PHC3: variants seen among roughly 807,000 people sequenced by gnomAD.
PHC3 encodes the protein polyhomeotic-like protein 3.
A neutral mutation model predicts 107.4 loss-of-function variants in PHC3; 13 were observed. The ratio of observed to expected loss-of-function variants is 0.12; its 90% CI spans 0.08 to 0.19. The LOEUF (loss-of-function observed/expected upper bound fraction) is 0.19. PHC3 is among the 10% of genes least tolerant of loss of function. The probability of loss-of-function intolerance (pLI) is 1.00; values close to 1 mark genes in which losing one functional copy is unlikely to be tolerated. For synonymous variants in PHC3, 456 were observed against 427.4 expected (o/e 1.07, Z -0.83); for missense variants, 992 against 1,210.9 (o/e 0.82, Z 2.68).
chr3:170,171,543 T>A (rs3772186), intron 3 of PHC3, 93 bp from the exon 4 acceptor site: 98,136 of 836,916 alleles, frequency 0.12, 6,148 homozygotes, highest in Middle Eastern at 0.17. Context: ...ACAATAAATG[T>A]CAAAAGGCCT....
chr3:170,172,295 CT>C (rs1286384595), intron 3 of PHC3, among the ~76,000 whole-genome samples: 5 of 152,012 alleles, frequency 3.3e-5, no homozygotes, highest in Admixed American at 1.3e-4. Context: ...GTACCTAGAA[CT>C]TTATACACAT....
chr3:170,156,290 T>C (rs1478490044), intron 4 of PHC3, among the ~76,000 whole-genome samples: 2 of 152,048 alleles, frequency 1.3e-5, no homozygotes, highest in South Asian at 2.1e-4. Flanking sequence ...AGAGTCTCAC[T>C]CTGCTGCCCG....
chr3:170,174,209 T>A (rs191490390), intron 2 of PHC3, among the ~76,000 whole-genome samples: 30 of 151,702 alleles, frequency 2.0e-4, no homozygotes, highest in African/African-American at 6.8e-4. Context: ...ATAATAATAA[T>A]AAAATAAAAA....
intron 7 of PHC3, among the ~76,000 whole-genome samples, chr3:170,131,182 ATAAT>A (rs1195354767): frequency 6.6e-6 from 1 of 151,554 alleles, no homozygotes; most frequent in African/African-American, 2.4e-5. Flanking sequence ...AGTCAACAAA[ATAAT>A]TTTCATATAA....
At chr3:170,134,187 AAT>A (rs144553767) in intron 7 of PHC3, among the ~76,000 whole-genome samples, 24 of 150,082 alleles carry the variant, frequency 1.6e-4, no homozygotes, top group Non-Finnish European at 8.9e-5. Context: ...CTATACTACG[AAT>A]ATATATATAT....
chr3:170,166,793 C>T (rs1321690876), intron 4 of PHC3, among the ~76,000 whole-genome samples: 1 of 151,900 alleles, frequency 6.6e-6, no homozygotes, highest in Non-Finnish European at 1.5e-5. Flanking sequence ...GCCTCTTGAG[C>T]AGCTGGGACT....
At chr3:170,169,835 T>A (rs937057743) in intron 4 of PHC3, 3 of 152,234 alleles carry the variant, frequency 2.0e-5, no homozygotes, top group Admixed American at 1.3e-4. Context: ...TTTGTCTATA[T>A]AATTTCCTTC....
intron 5 of PHC3, among the ~76,000 whole-genome samples, chr3:170,145,744 CA>C (rs927885310): frequency 6.6e-6 from 1 of 151,266 alleles, no homozygotes; most frequent in East Asian, 1.9e-4. Context: ...CTGATGAGTG[CA>C]AAAAAAAGCA....
In PHC3 at chr3:170,111,261, A is replaced by AGAAGGAAGGAAG. The variant is rs142477519; in HGVS notation, c.2353+2087_2353+2098dup. Among the ~76,000 whole-genome samples, 226 of 121,348 alleles carry AGAAGGAAGGAAG rather than the reference A, an allele frequency of 1.9e-3. 1 individual carries two copies. Among genetic ancestry groups the AGAAGGAAGGAAG allele is most frequent in the East Asian group, 4.6e-3 (19 of 4,088 alleles). 79.6% of individuals were successfully genotyped at this position (121,348 alleles called of 152,430 possible). A position where few individuals can be genotyped will look rare whatever the true frequency, so the allele number is the denominator to read the frequency against. ...GACTACGATTTTCTTTAAAACAAGA[A>AGAAGGAAGGAAG]GAAGGAAGGAAGGAAGGAAGGAAGG... On this transcript the variant is annotated intron_variant, in intron 11 of 14. Coordinates refer to ENST00000495893, the MANE Select transcript of PHC3 (RefSeq NM_024947.4).
rs144109410 is a variant in PHC3, at chr3:170,100,868, T to C, written c.2833+1611A>G. Among the ~76,000 whole-genome samples, 32 of 152,128 alleles carry C rather than the reference T, an allele frequency of 2.1e-4. No homozygotes were observed. In the East Asian group the frequency reaches 5.6e-3, roughly 27 times the overall value. On this transcript the variant is annotated intron_variant, in intron 14 of 14. Transcript: ENST00000495893. The stretch of plus-strand genomic sequence containing the variant: ...TACTTTTCTCAGGATATAAACCAAC[T>C]CTCTTCTGCAAAGGAAAAGAAAAAT...
intron 11 of PHC3, among the ~76,000 whole-genome samples, chr3:170,109,443 G>A (rs2108313667): frequency 6.6e-6 from 1 of 152,224 alleles, no homozygotes; most frequent in Admixed American, 6.5e-5. Context: ...ATAAGACCCT[G>A]GAGCTTGAGT....
intron 4 of PHC3, among the ~76,000 whole-genome samples, chr3:170,165,294 C>T (rs1239075621): frequency 3.3e-5 from 5 of 152,014 alleles, no homozygotes; most frequent in Non-Finnish European, 7.4e-5. Flanking sequence ...TGAGAAACAG[C>T]CAAAATAAAA....
At chr3:170,137,843 G>A (rs976742929) in intron 6 of PHC3, among the ~76,000 whole-genome samples, 2 of 152,186 alleles carry the variant, frequency 1.3e-5, no homozygotes, top group African/African-American at 4.8e-5. Context: ...AGGGTGCAGT[G>A]AGCCAGATGG....
At chr3:170,100,201 G>C (rs1715248514) in intron 14 of PHC3, among the ~76,000 whole-genome samples, 1 of 152,052 alleles carries the variant, frequency 6.6e-6, no homozygotes. Context: ...CAACTGGAAA[G>C]AAACAAAATA....
At chr3:170,172,796 G>C (rs1405943090) in intron 2 of PHC3, 84 bp from the exon 3 acceptor site, 2 of 1,448,352 alleles carry the variant, frequency 1.4e-6, no homozygotes, top group East Asian at 4.6e-5. Flanking sequence ...AAAAGTGGCA[G>C]TTTAAAATTT....
At chr3:170,158,804 A>G (rs1201926251) in intron 4 of PHC3, among the ~76,000 whole-genome samples, 1 of 151,470 alleles carries the variant, frequency 6.6e-6, no homozygotes, top group East Asian at 2.0e-4. Context: ...GCACACGACT[A>G]TAATCTCAGC....
chr3:170,178,516 C>T (rs1402253441), intron 2 of PHC3, among the ~76,000 whole-genome samples: 2 of 152,216 alleles, frequency 1.3e-5, no homozygotes, highest in Non-Finnish European at 2.9e-5. Flanking sequence ...GGCAATAAGA[C>T]GGCCCTCGTG....
chr3:170,174,264 C>T (rs1292607428), intron 2 of PHC3, among the ~76,000 whole-genome samples: 1 of 151,678 alleles, frequency 6.6e-6, no homozygotes, highest in African/African-American at 2.4e-5. Context: ...GAAAATTACT[C>T]AATAATTTAA....
intron 4 of PHC3, among the ~76,000 whole-genome samples, chr3:170,157,012 A>G (rs957919417): frequency 1.3e-5 from 2 of 152,182 alleles, no homozygotes; most frequent in African/African-American, 4.8e-5. Context: ...AACATAAAAA[A>G]CCTCACAGTC....
Sources: allele counts gnomAD v4.1 joint callset (sites outside exome capture counted in the v4.1 genomes callset), GRCh38; gene constraint gnomAD v4.1.1; transcripts MANE v1.5; gene names NCBI Gene and HGNC (gene_info 2026-07-23, HGNC 2026-07-21).